EYS: variants seen among roughly 807,000 people sequenced by gnomAD.
EYS encodes the protein protein eyes shut homolog.
EYS carries 250 observed loss-of-function variants against 282.1 expected under a neutral mutation model. The ratio of observed to expected loss-of-function variants is 0.89; its 90% CI spans 0.80 to 0.98. The LOEUF is 0.98. Ranked by LOEUF, EYS falls within the 50% of genes least tolerant of loss-of-function variation. The pLI is 0.00. For missense variants in EYS, 4,016 were observed against 3,709.0 expected, an observed-to-expected ratio of 1.08 and a Z score of -2.15; for synonymous variants, 1,355 against 1,282.9, an observed-to-expected ratio of 1.06 and a Z score of -1.20.
chr6:64,901,294 G>GTATATATATATATA (rs70999177), intron 18 of EYS, among the ~76,000 whole-genome samples: 4,769 of 127,318 alleles, frequency 0.037, 178 homozygotes, highest in African/African-American at 0.076. Context: ...ATGTAGTTGA[G>GTATATATATATATA]TATATATATA....
At chr6:64,611,395 T>C (rs74733677) in intron 24 of EYS, among the ~76,000 whole-genome samples, 2,459 of 152,284 alleles carry the variant, frequency 0.016, 65 homozygotes, top group African/African-American at 0.057. Flanking sequence ...TTACTCAGAG[T>C]TCGCCAATTG....
intron 31 of EYS, among the ~76,000 whole-genome samples, chr6:64,117,068 A>C: frequency 6.6e-6 from 1 of 152,102 alleles, no homozygotes; most frequent in East Asian, 1.9e-4. Flanking sequence ...GACCAACTGA[A>C]CCTAATAGAG....
intron 29 of EYS, among the ~76,000 whole-genome samples, chr6:64,344,929 T>G (rs1333303720): frequency 2.0e-5 from 3 of 152,096 alleles, no homozygotes; most frequent in African/African-American, 7.2e-5. Flanking sequence ...AGCCAAATCA[T>G]GAGTGAACTC....
chr6:64,009,348 ATC>A (rs1768496597), intron 33 of EYS, among the ~76,000 whole-genome samples: 1 of 148,842 alleles, frequency 6.7e-6, no homozygotes, highest in East Asian at 2.0e-4. Flanking sequence ...CAGTGGCGTG[ATC>A]TCGGCTCACT....
intron 2 of EYS, among the ~76,000 whole-genome samples, chr6:65,509,117 A>T (rs1335122333): frequency 1.3e-5 from 2 of 152,256 alleles, no homozygotes; most frequent in East Asian, 3.8e-4. Flanking sequence ...GGAGTAACGT[A>T]CTATAAACAG....
chr6:64,858,563 A>AT (rs545529241), intron 19 of EYS, among the ~76,000 whole-genome samples: 2 of 152,014 alleles, frequency 1.3e-5, no homozygotes, highest in African/African-American at 4.8e-5. Context: ...GCCACTTAGG[A>AT]TTTTTTTCCT....
At chr6:65,337,500 C>G (rs553129424) in intron 10 of EYS, among the ~76,000 whole-genome samples, 19 of 151,286 alleles carry the variant, frequency 1.3e-4, no homozygotes, top group African/African-American at 4.6e-4. Context: ...TTTTATGACA[C>G]TACTTTATTT....
intron 28 of EYS, among the ~76,000 whole-genome samples, chr6:64,405,826 GAAAC>G (rs553676352): frequency 4.6e-5 from 7 of 152,132 alleles, no homozygotes; most frequent in Non-Finnish European, 1.0e-4. Context: ...AACAAGAGAG[GAAAC>G]AAACAAATGG....
At position 64,167,988 on chromosome 6, in the gene EYS, C is replaced by T. The variant is rs188096199; in HGVS notation, c.6424+62604G>A. ...TTCAAAAACCAGACAATAGGCCAGG[C>T]GCAGTGGCTCACGCCTGTAATCGCA... On this transcript the variant is annotated intron_variant, in intron 31 of 42. Transcript: ENST00000503581. Among the ~76,000 whole-genome samples, 603 of 152,276 alleles carry T rather than the reference C, an allele frequency of 4.0e-3. 3 individuals carry two copies. The highest frequency in any genetic ancestry group is 0.014 in the African/African-American group (562 of 41,566).
At chr6:64,313,102 C>T (rs1334074966) in intron 29 of EYS, among the ~76,000 whole-genome samples, 1 of 152,146 alleles carries the variant, frequency 6.6e-6, no homozygotes, top group Non-Finnish European at 1.5e-5. Context: ...AGGAGCATGT[C>T]CTAACACAAT....
intron 29 of EYS, among the ~76,000 whole-genome samples, chr6:64,326,689 G>A (rs894344674): frequency 2.0e-5 from 3 of 152,136 alleles, no homozygotes; most frequent in Admixed American, 2.0e-4. Context: ...GCTCCAGGAT[G>A]TGGGAGACTT....
intron 5 of EYS, among the ~76,000 whole-genome samples, chr6:65,470,891 T>C (rs1765184339): frequency 6.6e-6 from 1 of 151,812 alleles, no homozygotes; most frequent in Non-Finnish European, 1.5e-5. Flanking sequence ...AAAAAAAGGA[T>C]GGCTTGGGAG....
intron 13 of EYS, among the ~76,000 whole-genome samples, chr6:65,011,999 T>C (rs908707699): frequency 6.6e-6 from 1 of 152,216 alleles, no homozygotes; most frequent in East Asian, 1.9e-4. Context: ...AACAATTTGA[T>C]GCTCCCTATA....
At chr6:64,486,691 A>C (rs1021371936) in intron 26 of EYS, among the ~76,000 whole-genome samples, 1 of 151,380 alleles carries the variant, frequency 6.6e-6, no homozygotes, top group African/African-American at 2.4e-5. Context: ...TTCTGGAATA[A>C]ACCAAAAGTC....
At chr6:64,394,373 T>C (rs1773280122) in intron 28 of EYS, among the ~76,000 whole-genome samples, 1 of 152,068 alleles carries the variant, frequency 6.6e-6, no homozygotes, top group Admixed American at 6.6e-5. Context: ...GCTACCTGAC[T>C]TCAAACTATA....
At chr6:64,085,336 G>A (rs1021182827) in intron 31 of EYS, among the ~76,000 whole-genome samples, 111 of 76,686 alleles carry the variant, frequency 1.4e-3, no homozygotes, top group African/African-American at 5.3e-3. Context: ...GCGCACGTGC[G>A]CGCGCACACA....
At chr6:63,757,041 G>A (rs1287547057) in intron 41 of EYS, among the ~76,000 whole-genome samples, 1 of 152,122 alleles carries the variant, frequency 6.6e-6, no homozygotes, top group Non-Finnish European at 1.5e-5. Flanking sequence ...AGCAATTTTA[G>A]GGAACAAGGG....
At chr6:63,769,935 C>T (rs1769889669) in intron 40 of EYS, among the ~76,000 whole-genome samples, 1 of 151,948 alleles carries the variant, frequency 6.6e-6, no homozygotes, top group Non-Finnish European at 1.5e-5. Flanking sequence ...AAATATCATT[C>T]ACTTACTAAA....
intron 22 of EYS, among the ~76,000 whole-genome samples, chr6:64,719,508 A>G (rs533153213): frequency 6.6e-6 from 1 of 152,340 alleles, no homozygotes; most frequent in South Asian, 2.1e-4. Flanking sequence ...CTACCTTAAG[A>G]GCAGCATGAA....
Sources: allele counts gnomAD v4.1 joint callset (sites outside exome capture counted in the v4.1 genomes callset), GRCh38; gene constraint gnomAD v4.1.1; transcripts MANE v1.5; gene names NCBI Gene and HGNC (gene_info 2026-07-23, HGNC 2026-07-21).